Variants in HDAC4 observed in about 807,000 individuals in gnomAD.
HDAC4 encodes histone deacetylase 4, also known as histone deacetylase A.
In HDAC4, 16 loss-of-function variants were observed where a neutral mutation model predicts 135.1. That is an observed-to-expected ratio of 0.12 (90% confidence interval 0.08 to 0.18). The LOEUF (loss-of-function observed/expected upper bound fraction) is 0.18. HDAC4 is among the 10% of genes least tolerant of loss of function. The pLI, the probability that HDAC4 is intolerant of heterozygous loss-of-function variation, is 1.00. For synonymous variants in HDAC4, 685 were observed against 653.4 expected, an observed-to-expected ratio of 1.05 and a Z score of -0.74; for missense variants, 1,143 against 1,511.8, an observed-to-expected ratio of 0.76 and a Z score of 4.05.
At chr2:239,305,728 A>G (rs990800049) in intron 2 of HDAC4, among the ~76,000 whole-genome samples, 2 of 152,222 alleles carry the variant, frequency 1.3e-5, no homozygotes, top group African/African-American at 4.8e-5. Context: ...ACTAAATTCT[A>G]GCCATCCCTA....
At chr2:239,057,366 G>A (rs1250372162) in intron 24 of HDAC4, among the ~76,000 whole-genome samples, 1 of 152,158 alleles carries the variant, frequency 6.6e-6, no homozygotes, top group Non-Finnish European at 1.5e-5. Context: ...TGACATTTCT[G>A]TATGATGAAA....
chr2:239,146,432 G>A lies in HDAC4; in HGVS notation c.734-1718C>T, dbSNP rs1034736693. Among the ~76,000 whole-genome samples the A allele has an allele frequency of 2.0e-5, 3 of 152,174 alleles. No individual in the cohort carries two copies. The highest frequency in any genetic ancestry group is 4.4e-5 in the Non-Finnish European group (3 of 68,030). ...CAGGGTCCCTGGCCCTGTGTGAAAG[G>A]TCTTCCTCAGTGGCTGCCCTGCCAC... On this transcript the variant is annotated intron_variant, in intron 7 of 26. Coordinates refer to ENST00000543185, the MANE Select transcript of HDAC4 (RefSeq NM_001378414.1). This position sits in a 1 kb window ranked among gnomAD's most constrained non-coding sequence, Gnocchi z 4.5.
intron 2 of HDAC4, among the ~76,000 whole-genome samples, chr2:239,347,339 A>C (rs910594321): frequency 2.6e-5 from 4 of 152,228 alleles, no homozygotes; most frequent in African/African-American, 9.6e-5. Context: ...AACACTCAAC[A>C]GTGGTCTGAA....
chr2:239,176,745 C>T (rs2043802992), intron 4 of HDAC4, among the ~76,000 whole-genome samples, 182 bp from the exon 5 acceptor site: 1 of 152,214 alleles, frequency 6.6e-6, no homozygotes, highest in South Asian at 2.1e-4. Flanking sequence ...CCATTCCGGG[C>T]TCTGGGCATT....
At chr2:239,101,803 C>T (rs1046510946) in intron 16 of HDAC4, among the ~76,000 whole-genome samples, 2 of 151,796 alleles carry the variant, frequency 1.3e-5, no homozygotes, top group Admixed American at 6.5e-5. Flanking sequence ...TGGAAGCCCC[C>T]GACCCTGGGT....
chr2:239,157,903 G>A (rs12471350), intron 6 of HDAC4, among the ~76,000 whole-genome samples: 19,677 of 152,196 alleles, frequency 0.13, 1,656 homozygotes, highest in South Asian at 0.22. Flanking sequence ...GTGCTGGGCC[G>A]TGCATCACAG....
At chr2:239,300,821 A>G (rs1445977260) in intron 2 of HDAC4, among the ~76,000 whole-genome samples, 1 of 152,174 alleles carries the variant, frequency 6.6e-6, no homozygotes, top group Non-Finnish European at 1.5e-5. Flanking sequence ...GCGTGATGGG[A>G]GGGAGAAGTG....
In HDAC4 at chr2:239,118,968, C is replaced by T. The variant is rs115568060; in HGVS notation, c.1534-3658G>A. Among the ~76,000 whole-genome samples the T allele has an allele frequency of 3.9e-3, 588 of 152,292 alleles. 2 individuals are homozygous for T. Among genetic ancestry groups the T allele is most frequent in the African/African-American group, 0.014 (573 of 41,566 alleles). On this transcript the variant is annotated intron_variant, in intron 12 of 26. Coordinates refer to ENST00000543185, the MANE Select transcript of HDAC4 (RefSeq NM_001378414.1). The stretch of plus-strand genomic sequence containing the variant: ...GGGGCAGGGAGAACAGGGAGCCTGG[C>T]GGTACCGCTGTCGCTGTGAGCAGGG...
intron 3 of HDAC4, among the ~76,000 whole-genome samples, chr2:239,227,880 G>C (rs965851647): frequency 2.6e-5 from 4 of 152,180 alleles, no homozygotes; most frequent in African/African-American, 9.6e-5. Flanking sequence ...AGGGTGGCCC[G>C]GGCCCTCTGC....
chr2:239,225,850 C>A (rs1442386229), intron 3 of HDAC4, among the ~76,000 whole-genome samples: 1 of 152,238 alleles, frequency 6.6e-6, no homozygotes, highest in Admixed American at 6.5e-5. Context: ...GAGTTTGGTT[C>A]TGCATCACGT....
chr2:239,177,032 T>C (rs973195782), intron 4 of HDAC4, among the ~76,000 whole-genome samples: 3 of 152,178 alleles, frequency 2.0e-5, no homozygotes, highest in Admixed American at 6.5e-5. Flanking sequence ...TGTACAAGAA[T>C]GTGCATGGGA....
At chr2:239,149,451 C>T (rs1204552929) in intron 7 of HDAC4, among the ~76,000 whole-genome samples, 1 of 152,064 alleles carries the variant, frequency 6.6e-6, no homozygotes, top group Non-Finnish European at 1.5e-5. Context: ...TTCTGTAATA[C>T]ATGAAAACAC....
At position 239,240,579 on chromosome 2, in the gene HDAC4, T is replaced by C. The variant is rs2048122264; in HGVS notation, c.23-3915A>G. Reference sequence around the variant, plus strand: ...CTGCAAGCAGGTTCCCCCTTATCTGTCTCCGCTTGAGAATCTATTTTTGGA... The same window carrying C: ...CTGCAAGCAGGTTCCCCCTTATCTGCCTCCGCTTGAGAATCTATTTTTGGA... On this transcript the variant is annotated intron_variant, in intron 2 of 26. Coordinates refer to ENST00000543185, the MANE Select transcript of HDAC4 (RefSeq NM_001378414.1). This position sits in a 1 kb window ranked among gnomAD's most constrained non-coding sequence, Gnocchi z 4.5. 6.6e-6 allele frequency among the ~76,000 whole-genome samples: 1 copy of C among 152,126 alleles called. No individual in the cohort carries two copies. The highest frequency in any genetic ancestry group is 2.4e-5 in the African/African-American group (1 of 41,434).
intron 3 of HDAC4, among the ~76,000 whole-genome samples, chr2:239,199,776 C>G (rs2045640921): frequency 6.6e-6 from 1 of 151,260 alleles, no homozygotes; most frequent in South Asian, 2.1e-4. Context: ...CTCTGTCACC[C>G]AGGCTGGAGT....
At chr2:239,176,636 A>C in intron 4 of HDAC4, 73 bp from the exon 5 acceptor site, 1 of 1,450,692 alleles carries the variant, frequency 6.9e-7, no homozygotes, top group South Asian at 1.2e-5. Flanking sequence ...ATGAAGACCC[A>C]AGAAACCAGC....
At chr2:239,224,414 C>A (rs1300390702) in intron 3 of HDAC4, among the ~76,000 whole-genome samples, 1 of 152,178 alleles carries the variant, frequency 6.6e-6, no homozygotes, top group Admixed American at 6.5e-5. Flanking sequence ...CCAGGAGCCT[C>A]CATGTCACTC....
At chr2:239,058,249 T>C (rs2032170929) in intron 24 of HDAC4, among the ~76,000 whole-genome samples, 1 of 152,166 alleles carries the variant, frequency 6.6e-6, no homozygotes, top group Non-Finnish European at 1.5e-5. Flanking sequence ...TTGCATATCT[T>C]TGGACTCAGT....
chr2:239,351,994 T>C (rs972014995), intron 2 of HDAC4, among the ~76,000 whole-genome samples: 3 of 151,822 alleles, frequency 2.0e-5, no homozygotes, highest in African/African-American at 7.3e-5. Flanking sequence ...TGGTGCACGC[T>C]CTCGGTGACT....
intron 1 of HDAC4, among the ~76,000 whole-genome samples, chr2:239,397,689 C>T (rs910462227): frequency 1.8e-4 from 28 of 152,336 alleles, no homozygotes; most frequent in African/African-American, 6.3e-4. Flanking sequence ...ACTCTTCCCA[C>T]GCACAGAAGC....
Sources: gnomAD v4.1 joint callset for allele counts (sites outside exome capture counted in the v4.1 genomes callset) on GRCh38, gnomAD v4.1.1 for gene constraint, Gnocchi (gnomAD v3.1) non-coding constraint, MANE v1.5 for transcripts, NCBI Gene and HGNC (gene_info 2026-07-23, HGNC 2026-07-21) for gene names.